Variants in TAF2 observed in about 807,000 individuals in gnomAD.
TAF2 encodes the protein TATA-box binding protein associated factor 2.
Under a neutral mutation model 138.5 loss-of-function variants are expected in TAF2, and 61 were observed. That is an observed-to-expected ratio of 0.44 (90% CI 0.36 to 0.54). The LOEUF (loss-of-function observed/expected upper bound fraction) is 0.54, where lower values mean the gene tolerates loss of function less well. Among genes scored for constraint, TAF2 ranks in the 20% least tolerant of loss-of-function variants. The probability of loss-of-function intolerance (pLI) is 0.00; values close to 1 mark genes in which losing one functional copy is unlikely to be tolerated. For synonymous variants in TAF2, 475 were observed against 469.9 expected, an observed-to-expected ratio of 1.01 and a Z score of -0.14; for missense variants, 1,090 against 1,427.9, an observed-to-expected ratio of 0.76 and a Z score of 3.81.
chr8:119,822,257 T>C (rs1444425601), intron 2 of TAF2, among the ~76,000 whole-genome samples: 1 of 151,892 alleles, frequency 6.6e-6, no homozygotes, highest in African/African-American at 2.4e-5. Flanking sequence ...GGTATTGCTC[T>C]GTCACCCAGG....
chr8:119,808,685 G>C (rs1470203531), intron 3 of TAF2, among the ~76,000 whole-genome samples: 1 of 152,176 alleles, frequency 6.6e-6, no homozygotes, highest in Non-Finnish European at 1.5e-5. Context: ...ATAGGCTGCA[G>C]AATAGATGTT....
At chr8:119,789,454 T>C in intron 12 of TAF2, 138 bp downstream of exon 12, 1 of 1,053,226 alleles carries the variant, frequency 9.5e-7, no homozygotes, top group Non-Finnish European at 1.4e-6. Context: ...CAGTTCATCA[T>C]TATTTCTACC....
intron 23 of TAF2, 83 bp downstream of exon 23, chr8:119,746,622 T>A: frequency 7.1e-7 from 1 of 1,406,650 alleles, no homozygotes. Flanking sequence ...GCTATAAAAT[T>A]CACTAGTTCA....
chr8:119,748,299 TTAATA>T (rs1449541745), intron 22 of TAF2, among the ~76,000 whole-genome samples: 1 of 151,892 alleles, frequency 6.6e-6, no homozygotes, highest in Non-Finnish European at 1.5e-5. Flanking sequence ...ACAACAAATA[TTAATA>T]TAAGTAAATA....
chr8:119,809,998 T>TTAAA (rs71571632), intron 3 of TAF2, among the ~76,000 whole-genome samples: 4 of 117,674 alleles, frequency 3.4e-5, no homozygotes, highest in African/African-American at 1.3e-4. Context: ...CTTCAATTTG[T>TTAAA]AAAAAAAAAA....
Position 119,744,299 on chromosome 8 carries a change from G to A in TAF2, c.3203C>T (p.Pro1068Leu), listed in dbSNP as rs773259423. The A allele has an allele frequency of 1.1e-5, 17 of 1,613,492 alleles. No homozygotes were observed. The Admixed American group carries it at 1.8e-4, about 17-fold the overall frequency. The change falls in exon 24 of 26, where the codon CCG (proline) becomes CTG (leucine). Residue 1068 changes from proline to leucine, a missense_variant. This residue lies in a region of TAF2 where 580 missense variants were observed against 719.6 expected (regional missense o/e 0.81). Transcript: ENST00000378164. Reference sequence around the variant, plus strand: ...AATACTAATCTTACCTGGAGTTGACGGCCTTTCAAGCATGTTTAAATGATG... The same window carrying A: ...AATACTAATCTTACCTGGAGTTGACAGCCTTTCAAGCATGTTTAAATGATG... ...ISHHLNMLERPSTPGLSKYRP... is the reference protein window; with the variant it reads ...ISHHLNMLERLSTPGLSKYRP...
Position 119,797,685 on chromosome 8 carries a change from A to C in TAF2, c.954T>G (p.Ala318=). ...ACCTAAAAATGCTCATGGAAGCATA[A>C]GCAGCCACTTCAACATAAGCCTCAT... is the stretch of plus-strand genomic sequence containing the variant. ...FIDEAYVEVA[A]YASMSIFSTN... is the part of the protein sequence containing the mutation. Residue 318 remains alanine (A), a synonymous_variant, in exon 7 of 26, where the codon GCT becomes GCG. Transcript: ENST00000378164. 6.2e-7 allele frequency: 1 copy of C among 1,613,476 alleles called. No individual in the cohort carries two copies. The highest frequency in any genetic ancestry group is 8.5e-7 in the Non-Finnish European group (1 of 1,179,692).
chr8:119,754,353 T>C (rs143058240), intron 22 of TAF2, among the ~76,000 whole-genome samples: 69 of 152,320 alleles, frequency 4.5e-4, no homozygotes, highest in Non-Finnish European at 8.8e-4. Flanking sequence ...TTTTCCAATA[T>C]CATAGAGAGC....
rs749877152 is a variant in TAF2, at chr8:119,732,042, T to C, written c.3482A>G (p.His1161Arg). 1 of 1,614,250 alleles carries C rather than the reference T, an allele frequency of 6.2e-7. No homozygotes were observed. Among genetic ancestry groups the C allele is most frequent in the Non-Finnish European group, 8.5e-7 (1 of 1,180,036 alleles). Reference protein sequence around the residue: ...HHEHKKKKKKHKHKHKHKHKH... With the variant: ...HHEHKKKKKKRKHKHKHKHKH... The stretch of plus-strand genomic sequence containing the variant: ...ATGCTTGTGTTTGTGCTTATGTTTA[T>C]GCTTCTTCTTCTTTTTCTTGTGCTC... Residue 1161 changes from histidine (H) to arginine (R), a missense_variant, in exon 26 of 26, where the codon CAT becomes CGT. Physicochemically the swap from His to Arg is conservative, Grantham distance 29 (BLOSUM62 0). This residue lies in a region of TAF2 where 580 missense variants were observed against 719.6 expected (regional missense o/e 0.81). Transcript: ENST00000378164.
intron 18 of TAF2, among the ~76,000 whole-genome samples, chr8:119,771,182 G>C (rs956860709): frequency 3.3e-5 from 5 of 152,106 alleles, no homozygotes; most frequent in Admixed American, 2.6e-4. Context: ...CAAAGTAAAG[G>C]GATGGAAAAA....
At position 119,760,728 on chromosome 8, in the gene TAF2, C is replaced by T. The variant is rs954380401; in HGVS notation, c.2569G>A (p.Ala857Thr). Residue 857 changes from alanine (A) to threonine (T), a missense_variant, in exon 20 of 26, where the codon GCC (alanine) becomes ACC (threonine). Physicochemically the swap from Ala to Thr is moderately conservative, Grantham distance 58 (BLOSUM62 0). Transcript: ENST00000378164. ...RHTITVSCLR[A>T]IRVLQKNGHV... ...CCGTTCTTCTGAAGTACCCGTATGGCTCTCAAACAACTAGGGAAAAAAATA... is the reference window on the plus strand; with the variant it reads ...CCGTTCTTCTGAAGTACCCGTATGGTTCTCAAACAACTAGGGAAAAAAATA... 1.2e-6 allele frequency: 2 copies of T among 1,613,900 alleles called. No homozygotes were observed. Among genetic ancestry groups the T allele is most frequent in the African/African-American group, 1.3e-5 (1 of 75,038 alleles).
chr8:119,826,866 G>A (rs1376667161), intron 2 of TAF2, among the ~76,000 whole-genome samples: 2 of 152,028 alleles, frequency 1.3e-5, no homozygotes, highest in Admixed American at 6.6e-5. Flanking sequence ...GGTTATAGGC[G>A]TGAGCCACCA....
chr8:119,779,841 T>C (rs1822516505), intron 17 of TAF2, among the ~76,000 whole-genome samples: 2 of 152,188 alleles, frequency 1.3e-5, no homozygotes, highest in South Asian at 4.1e-4. Flanking sequence ...ATTTACTTCC[T>C]TAATGTGCCC....
chr8:119,803,110 C>T (rs886660723), intron 5 of TAF2, among the ~76,000 whole-genome samples: 6 of 151,198 alleles, frequency 4.0e-5, no homozygotes, highest in Non-Finnish European at 5.9e-5. Flanking sequence ...GACTCTGTTT[C>T]AAAAAAAATA....
At chr8:119,744,745 G>A in intron 23 of TAF2, 2 of 376,146 alleles carry the variant, frequency 5.3e-6, no homozygotes, top group South Asian at 2.1e-5. Context: ...GAATGTCTCA[G>A]AAGGACCTTT....
intron 3 of TAF2, among the ~76,000 whole-genome samples, chr8:119,806,927 C>T (rs951027539): frequency 6.6e-6 from 1 of 152,176 alleles, no homozygotes; most frequent in Admixed American, 6.5e-5. Flanking sequence ...ATATTCTACT[C>T]ACCAAGTTAC....
chr8:119,735,804 A>T lies in TAF2; in HGVS notation c.3338-3618T>A, dbSNP rs1819187523. Among the ~76,000 whole-genome samples the T allele has an allele frequency of 2.0e-5, 3 of 152,232 alleles. 1 individual carries two copies. In the South Asian group the frequency reaches 6.2e-4, roughly 31 times the overall value. ...AGATTTTAATACATAAATTGCTTGA[A>T]TATGTTCCTGATTCTATGAATATGG... On this transcript the variant is annotated intron_variant, in intron 25 of 25. Coordinates refer to ENST00000378164, the MANE Select transcript of TAF2 (RefSeq NM_003184.4).
chr8:119,805,531 C>A (rs925665291), intron 4 of TAF2, among the ~76,000 whole-genome samples: 45 of 152,006 alleles, frequency 3.0e-4, no homozygotes, highest in African/African-American at 1.1e-3. Flanking sequence ...CATGATGAAA[C>A]CCTGTCTCTA....
At chr8:119,785,675 T>C (rs1222642111) in intron 14 of TAF2, among the ~76,000 whole-genome samples, 2 of 152,224 alleles carry the variant, frequency 1.3e-5, no homozygotes, top group Non-Finnish European at 2.9e-5. Flanking sequence ...GGTTCTGTCC[T>C]ATATGAATTA....
Sources: allele counts gnomAD v4.1 joint callset (sites outside exome capture counted in the v4.1 genomes callset), GRCh38; gene constraint gnomAD v4.1.1; regional missense constraint gnomAD v4.1.1; transcripts MANE v1.5; gene names NCBI Gene and HGNC (gene_info 2026-07-23, HGNC 2026-07-21).